The following LRSAM1 variants were observed in gnomAD, a reference collection of about 807,000 sequenced individuals.
LRSAM1 encodes E3 ubiquitin-protein ligase LRSAM1.
LRSAM1 carries 96 observed loss-of-function variants against 118.1 expected under a neutral mutation model. The ratio of observed to expected loss-of-function variants is 0.81; its 90% CI spans 0.69 to 0.96. The LOEUF (loss-of-function observed/expected upper bound fraction) is 0.96. LRSAM1 is among the 40% of genes least tolerant of loss of function. The pLI, the probability that LRSAM1 is intolerant of heterozygous loss-of-function variation, is 0.00. For synonymous variants in LRSAM1, 322 were observed against 364.2 expected (o/e 0.88, Z 1.32); for missense variants, 804 against 915.5 (o/e 0.88, Z 1.57).
chr9:127,492,678 C>G (rs574793937), intron 20 of LRSAM1, 124 bp from the exon 21 acceptor site: 8 of 850,306 alleles, frequency 9.4e-6, no homozygotes, highest in Admixed American at 4.0e-5. Context: ...TCCCCCAACG[C>G]AGCCTGGAGG....
In LRSAM1 at chr9:127,467,262, C is replaced by CA. The variant is rs373463905; in HGVS notation, c.529-472dup. 3.3e-5 allele frequency among the ~76,000 whole-genome samples: 5 copies of CA among 151,846 alleles called. 1 individual carries two copies. The highest frequency in any genetic ancestry group is 9.7e-5 in the African/African-American group (4 of 41,398). On this transcript the variant is annotated intron_variant, in intron 9 of 25. Coordinates refer to ENST00000300417, the MANE Select transcript of LRSAM1 (RefSeq NM_001005373.4). ...AATTAATTGGTTACAAAAGCAGTTA[C>CA]AAAAAATAAACAGTTCCAGGTGCAG...
intron 25 of LRSAM1, 24 bp downstream of exon 25, chr9:127,501,167 C>G (rs752814857): frequency 6.2e-7 from 1 of 1,609,084 alleles, no homozygotes; most frequent in Non-Finnish European, 8.5e-7. Context: ...CCTCCCCACC[C>G]GCCTGCCCTG....
rs1024908254 is a variant in LRSAM1, at chr9:127,465,596, C to G, written c.529-2144C>G. 6.6e-6 allele frequency among the ~76,000 whole-genome samples: 1 copy of G among 152,228 alleles called. No individual in the cohort carries two copies. Among genetic ancestry groups the G allele is most frequent in the Non-Finnish European group, 1.5e-5 (1 of 68,036 alleles). On this transcript the variant is annotated intron_variant, in intron 9 of 25. Coordinates refer to ENST00000300417, the MANE Select transcript of LRSAM1 (RefSeq NM_001005373.4). This position sits in a 1 kb window ranked among gnomAD's most constrained non-coding sequence, Gnocchi z 4.1. ...GTCAGTTCCTCTTCCCTGGGGCAGT[C>G]TCCCACTCCCTGTGCAAAGCACGTT...
chr9:127,489,340 T>C (rs752591010), intron 18 of LRSAM1, 104 bp from the exon 19 acceptor site: 269 of 1,332,116 alleles, frequency 2.0e-4, no homozygotes, highest in Middle Eastern at 1.9e-3. Flanking sequence ...AAAAAACCCA[T>C]CCATTAAGGT....
intron 21 of LRSAM1, 123 bp downstream of exon 21, chr9:127,493,020 A>G: frequency 1.2e-6 from 1 of 822,716 alleles, no homozygotes; most frequent in South Asian, 1.5e-5. Context: ...ACTGGAAAGT[A>G]CAAAGGAAAA....
intron 14 of LRSAM1, among the ~76,000 whole-genome samples, chr9:127,480,856 T>G (rs1329391824): frequency 6.6e-6 from 1 of 152,024 alleles, no homozygotes; most frequent in East Asian, 1.9e-4. Context: ...CCTGGCTAAT[T>G]TTTGTAGAGA....
intron 24 of LRSAM1, among the ~76,000 whole-genome samples, chr9:127,499,980 C>T (rs1045134927): frequency 6.6e-6 from 1 of 151,636 alleles, no homozygotes; most frequent in Non-Finnish European, 1.5e-5. Flanking sequence ...GCTTGTAATT[C>T]AAGCCGTAGA....
At chr9:127,479,020 AC>A in intron 12 of LRSAM1, 57 bp downstream of exon 12, 6 of 1,538,878 alleles carry the variant, frequency 3.9e-6, no homozygotes. Context: ...TCTCAACTCA[AC>A]TCATAAAATA....
chr9:127,497,016 T>C (rs1836171475), intron 23 of LRSAM1, among the ~76,000 whole-genome samples: 1 of 152,238 alleles, frequency 6.6e-6, no homozygotes, highest in African/African-American at 2.4e-5. Context: ...TGGGCCTCAG[T>C]TTCCCCCCAA....
chr9:127,494,985 CTT>C (rs996999484), intron 21 of LRSAM1, among the ~76,000 whole-genome samples: 2 of 152,166 alleles, frequency 1.3e-5, no homozygotes, highest in African/African-American at 4.8e-5. Context: ...GAGTTTCGCT[CTT>C]GTTGCCCAGG....
intron 16 of LRSAM1, among the ~76,000 whole-genome samples, chr9:127,483,771 C>T (rs1835625412): frequency 6.6e-6 from 1 of 152,282 alleles, no homozygotes; most frequent in Non-Finnish European, 1.5e-5. Context: ...TTAAGCGATT[C>T]TCCTGCCTCA....
At chr9:127,457,558 T>G (rs1410340673) in intron 6 of LRSAM1, 165 bp downstream of exon 6, 2 of 722,564 alleles carry the variant, frequency 2.8e-6, no homozygotes, top group East Asian at 5.4e-5. Flanking sequence ...GTGGGCTGTG[T>G]GTGGGTTAGG....
chr9:127,500,883 C>A (rs1205917908), intron 24 of LRSAM1, 127 bp from the exon 25 acceptor site: 1 of 1,313,566 alleles, frequency 7.6e-7, no homozygotes, highest in Non-Finnish European at 1.1e-6. Flanking sequence ...TCCCTCAGAT[C>A]TGAGAGCAGA....
intron 11 of LRSAM1, among the ~76,000 whole-genome samples, chr9:127,477,155 T>G (rs1835373230): frequency 6.6e-6 from 1 of 152,160 alleles, no homozygotes. Flanking sequence ...GCACAAATTA[T>G]ATATGTACAG....
chr9:127,456,522 C>G (rs952281929), intron 5 of LRSAM1, among the ~76,000 whole-genome samples: 1 of 152,166 alleles, frequency 6.6e-6, no homozygotes, highest in Non-Finnish European at 1.5e-5. Context: ...TGAGCCACCA[C>G]GCCCAGTCTG....
intron 16 of LRSAM1, 32 bp downstream of exon 16, chr9:127,483,052 G>A: frequency 2.5e-6 from 4 of 1,601,028 alleles, no homozygotes; most frequent in South Asian, 1.1e-5. Flanking sequence ...TTGTGAGCAC[G>A]CTGCCTGCTG....
intron 15 of LRSAM1, 128 bp downstream of exon 15, chr9:127,481,355 C>A: frequency 1.1e-6 from 1 of 920,186 alleles, no homozygotes; most frequent in Non-Finnish European, 1.7e-6. Context: ...CAGGTCCAAG[C>A]AATTCCCCTG....
chr9:127,482,993 G>A lies in LRSAM1; in HGVS notation c.1132G>A (p.Glu378Lys). Residue 378 changes from glutamate to lysine, a missense_variant, in exon 16 of 26, where the codon GAG becomes AAG. Physicochemically the swap from Glu to Lys is moderately conservative, Grantham distance 56. Coordinates refer to ENST00000300417, the MANE Select transcript of LRSAM1 (RefSeq NM_001005373.4). Reference sequence around the variant, plus strand: ...GATGTCCATAACCCAGGAGGAGACTGAGAGCCTGCGGCGACGTGACGTTGC... The same window carrying A: ...GATGTCCATAACCCAGGAGGAGACTAAGAGCCTGCGGCGACGTGACGTTGC... Reference protein sequence around the residue: ...QLMSITQEETESLRRRDVASA... With the variant: ...QLMSITQEETKSLRRRDVASA... The A allele has an allele frequency of 6.3e-7, 1 of 1,586,590 alleles. No individual in the cohort carries two copies. Among genetic ancestry groups the A allele is most frequent in the South Asian group, 1.1e-5 (1 of 87,234 alleles).
At chr9:127,484,335 T>G (rs1470464696) in intron 16 of LRSAM1, among the ~76,000 whole-genome samples, 1 of 151,948 alleles carries the variant, frequency 6.6e-6, no homozygotes, top group East Asian at 1.9e-4. Flanking sequence ...TCTTCCTTTT[T>G]AATAGTAAAT....
Sources: gnomAD v4.1 joint callset for allele counts (sites outside exome capture counted in the v4.1 genomes callset) on GRCh38, gnomAD v4.1.1 for gene constraint, Gnocchi (gnomAD v3.1) non-coding constraint, MANE v1.5 for transcripts, NCBI Gene and HGNC (gene_info 2026-07-23, HGNC 2026-07-21) for gene names.